The following PTPRN variants were observed in gnomAD, a reference collection of about 807,000 sequenced individuals.
The protein encoded by PTPRN is receptor-type tyrosine-protein phosphatase-like N.
A neutral mutation model predicts 108.5 loss-of-function variants in PTPRN; 70 were observed. That is an observed-to-expected ratio of 0.65 (90% CI 0.53 to 0.79). PTPRN has a LOEUF of 0.79. Among genes scored for constraint, PTPRN ranks in the 30% least tolerant of loss-of-function variants. The pLI, the probability that PTPRN is intolerant of heterozygous loss-of-function variation, is 0.00. For synonymous variants in PTPRN, 496 were observed against 524.6 expected (o/e 0.95, Z 0.75); for missense variants, 1,136 against 1,295.5 (o/e 0.88, Z 1.89).
rs1380735347 is a variant in PTPRN at position 219,307,492 on chromosome 2, G to A, written c.232C>T (p.Pro78Ser). 3.7e-6 allele frequency: 6 copies of A among 1,614,170 alleles called. No individual in the cohort carries two copies. The highest frequency in any genetic ancestry group is 5.1e-6 in the Non-Finnish European group (6 of 1,180,034). ...QARPLLQVTSPVLQRLQGVLR... is the reference protein window; with the variant it reads ...QARPLLQVTSSVLQRLQGVLR... The stretch of plus-strand genomic sequence containing the variant: ...ACACCTTGTAAGCGTTGGAGAACTG[G>A]GGAGGTGACTTGCAAAAGGGGCCGG... The change falls in exon 3 of 23, where the codon CCA (proline) becomes TCA (serine). Residue 78 changes from proline (P) to serine (S), a missense_variant. Pro to Ser is a moderately conservative substitution (Grantham distance 74). Transcript: ENST00000295718.
Position 219,297,013 on chromosome 2 carries a change from T to A in PTPRN, c.2208A>T (p.Lys736Asn), listed in dbSNP as rs1383147857. The A allele has an allele frequency of 6.2e-7, 1 of 1,613,916 alleles. No homozygotes were observed. The highest frequency in any genetic ancestry group is 1.7e-5 in the Admixed American group (1 of 60,022). Residue 736 changes from lysine (K) to asparagine (N), a missense_variant, in exon 15 of 23, where the codon AAA becomes AAT. Lys to Asn is a moderately conservative substitution (Grantham distance 94, BLOSUM62 0). Transcript: ENST00000295718. This position sits in a 1 kb window ranked among gnomAD's most constrained non-coding sequence, Gnocchi z 6.0. ...GCAGGAAGTCAGGATGCCGGTTCTT[T>A]TTGATGTTGCCCTCCCCCTGCGCGG... ...CATAQGEGNI[K>N]KNRHPDFLPY...
At chr2:219,304,417 C>T (rs1278976207) in intron 3 of PTPRN, among the ~76,000 whole-genome samples, 1 of 152,094 alleles carries the variant, frequency 6.6e-6, no homozygotes, top group East Asian at 1.9e-4. Flanking sequence ...TCTTCATTGT[C>T]GTCATCATCA....
At chr2:219,301,848 A>T (rs538208988) in intron 6 of PTPRN, 129 bp from the exon 7 acceptor site, 3 of 1,215,014 alleles carry the variant, frequency 2.5e-6, no homozygotes, top group South Asian at 3.1e-5. Context: ...ACACCAAGAG[A>T]TGCCCTCCCT....
Position 219,299,727 on chromosome 2 carries a change from A to G in PTPRN, c.1496T>C (p.Met499Thr). ...GATGTTGATGAAGCTGCCTGAGGAC[A>G]TGTGCACATGCTCAGCCAGGATCTC... ...LLEILAEHVHMSSGSFINISV... is the reference protein window; with the variant it reads ...LLEILAEHVHTSSGSFINISV... Residue 499 changes from methionine (M) to threonine (T), a missense_variant, in exon 10 of 23, where the codon ATG (methionine) becomes ACG (threonine). Transcript: ENST00000295718. 1 of 1,608,100 alleles carries G rather than the reference A, an allele frequency of 6.2e-7. No individual in the cohort carries two copies. The highest frequency in any genetic ancestry group is 8.5e-7 in the Non-Finnish European group (1 of 1,175,350).
intron 8 of PTPRN, 133 bp downstream of exon 8, chr2:219,300,810 T>C: frequency 1.0e-6 from 1 of 997,674 alleles, no homozygotes. Context: ...ACTTGCGGTC[T>C]CTGGGCCTTG....
At chr2:219,300,817 C>T in intron 8 of PTPRN, 126 bp downstream of exon 8, 1 of 1,103,346 alleles carries the variant, frequency 9.1e-7, no homozygotes, top group Non-Finnish European at 1.3e-6. Flanking sequence ...GTCTCTGGGC[C>T]TTGGTTTCCC....
At chr2:219,299,529 TGCTGGGTGGGGCCAGCAACGG>T in intron 10 of PTPRN, 145 bp from the exon 11 acceptor site, 1 of 1,158,906 alleles carries the variant, frequency 8.6e-7, no homozygotes, top group South Asian at 1.4e-5. Context: ...GCAAGGAAGA[TGCTGGGTGGGGCCAGCAACGG>T]GCTGGGTGTG....
Position 219,299,376 on chromosome 2 carries a change from C to G in PTPRN, c.1532G>C (p.Gly511Ala). 6.2e-7 allele frequency: 1 copy of G among 1,614,178 alleles called. No homozygotes were observed. Among genetic ancestry groups the G allele is most frequent in the East Asian group, 2.2e-5 (1 of 44,886 alleles). The change falls in exon 11 of 23, where the codon GGA becomes GCA. Residue 511 changes from glycine (G) to alanine (A), a missense_variant. By Grantham distance (60) the Gly-to-Ala change is moderately conservative (BLOSUM62 0). Coordinates refer to ENST00000295718, the MANE Select transcript of PTPRN (RefSeq NM_002846.4). Reference sequence around the variant, plus strand: ...CCGGATGCGGAAGGTGAGGGCTGGTCCCACCACACTGCCAGATAGGAGCTA... The same window carrying G: ...CCGGATGCGGAAGGTGAGGGCTGGTGCCACCACACTGCCAGATAGGAGCTA... ...SGSFINISVV[G>A]PALTFRIRHN...
In PTPRN at chr2:219,297,749, C is replaced by A; in HGVS notation, c.1887+136G>T. On this transcript the variant is annotated intron_variant, in intron 13 of 22. Coordinates refer to ENST00000295718, the MANE Select transcript of PTPRN (RefSeq NM_002846.4). The surrounding 1 kb of genome is among the most constrained non-coding windows in gnomAD (Gnocchi z 6.0). ...CCTACCATACTCCCTCCCACTGGGG[C>A]TTCTCCAGCCTCCACTGGACCTTCC... is the stretch of plus-strand genomic sequence containing the variant. The A allele has an allele frequency of 9.5e-7, 1 of 1,052,262 alleles. No individual in the cohort carries two copies. The highest frequency in any genetic ancestry group is 1.4e-6 in the Non-Finnish European group (1 of 730,470). The allele number at this position is 1,052,262 out of a possible 1,614,324, so 65.2% of individuals were successfully genotyped here.
chr2:219,293,353 G>A (rs1302834901), intron 19 of PTPRN, among the ~76,000 whole-genome samples: 2 of 152,038 alleles, frequency 1.3e-5, no homozygotes, highest in Admixed American at 6.6e-5. Context: ...GCTAATTTTT[G>A]TATTTTTGGC....
At chr2:219,294,880 C>A (rs1475700043) in intron 19 of PTPRN, 95 bp downstream of exon 19, 1 of 1,283,370 alleles carries the variant, frequency 7.8e-7, no homozygotes, top group African/African-American at 1.6e-5. Context: ...GGCCGAGGCT[C>A]CAGGCCCGAC....
Position 219,300,150 on chromosome 2 carries a change from A to G in PTPRN, c.1271T>C (p.Val424Ala). The change falls in exon 9 of 23, where the codon GTG (valine) becomes GCG (alanine). Residue 424 changes from valine (V) to alanine (A), a missense_variant. Val to Ala is a moderately conservative substitution (Grantham distance 64, BLOSUM62 0). Coordinates refer to ENST00000295718, the MANE Select transcript of PTPRN (RefSeq NM_002846.4). ...ASPTSSEVQQ[V>A]PSPVSSEPPK... ...AGGCTCAGAGGAGACAGGGCTTGGC[A>G]CCTGCTGGACTTCACTGGAGGTAGG... is the stretch of plus-strand genomic sequence containing the variant. 6.2e-7 allele frequency: 1 copy of G among 1,613,774 alleles called. No individual in the cohort carries two copies. The highest frequency in any genetic ancestry group is 8.5e-7 in the Non-Finnish European group (1 of 1,179,840).
At chr2:219,295,445 A>C in intron 18 of PTPRN, 1 of 297,204 alleles carries the variant, frequency 3.4e-6, no homozygotes, top group Non-Finnish European at 6.2e-6. Context: ...ACTTGGATGA[A>C]ATTCTGTAGT....
intron 18 of PTPRN, chr2:219,295,842 C>T (rs77891885): frequency 0.012 from 2,099 of 180,792 alleles, 52 homozygotes; most frequent in African/African-American, 0.047. Context: ...TAATCTCAGT[C>T]TTTGGGTATC....
At chr2:219,298,521 A>G (rs975520007) in intron 12 of PTPRN, among the ~76,000 whole-genome samples, 4 of 152,090 alleles carry the variant, frequency 2.6e-5, no homozygotes, top group African/African-American at 9.7e-5. Context: ...CCTGGCCAAC[A>G]TGGTGAAACC....
chr2:219,302,068 G>T, intron 6 of PTPRN, 69 bp downstream of exon 6: 1 of 1,360,364 alleles, frequency 7.4e-7, no homozygotes, highest in East Asian at 2.3e-5. Context: ...TAGATTGTCA[G>T]GGAAGGGCCC....
Position 219,300,373 on chromosome 2 carries a change from AG to A in PTPRN, c.1162-115del, listed in dbSNP as rs1403929555. 3 of 1,156,402 alleles carry A rather than the reference AG, an allele frequency of 2.6e-6. No homozygotes were observed. In the African/African-American group the frequency reaches 4.7e-5, roughly 18 times the overall value. The allele number at this position is 1,156,402 out of a possible 1,614,324, so 71.6% of individuals were successfully genotyped here. On this transcript the variant is annotated intron_variant, in intron 8 of 22. Coordinates refer to ENST00000295718, the MANE Select transcript of PTPRN (RefSeq NM_002846.4). The stretch of plus-strand genomic sequence containing the variant: ...GACCTGCTTTTCACTTTCTACCCCC[AG>A]GGACCACTGCAGTGCTGGGTACAGA...
chr2:219,296,761 G>A lies in PTPRN; in HGVS notation c.2298C>T (p.Asn766=), dbSNP rs746666740. ...CAGGGCCACTCACAATGGGGCTGGC[G>A]TTGATGTAATCGCTCCGAGAAGGGC... ...ESSPSRSDYI[N]ASPIIEHDPR... is the part of the protein sequence containing the mutation. The change falls in exon 16 of 23, where the codon AAC becomes AAT. Residue 766 remains asparagine, a synonymous_variant. Coordinates refer to ENST00000295718, the MANE Select transcript of PTPRN (RefSeq NM_002846.4). The surrounding 1 kb of genome is among the most constrained non-coding windows in gnomAD (Gnocchi z 6.0). 23 of 1,613,830 alleles carry A rather than the reference G, an allele frequency of 1.4e-5. No individual in the cohort carries two copies. The highest frequency in any genetic ancestry group is 5.5e-5 in the South Asian group (5 of 91,070).
chr2:219,300,919 G>A (rs1221093767), intron 8 of PTPRN, 24 bp downstream of exon 8: 2 of 1,612,574 alleles, frequency 1.2e-6, no homozygotes, highest in Middle Eastern at 1.6e-4. Context: ...GTGATTATGA[G>A]TCAAGGAGGT....
Sources: allele counts gnomAD v4.1 joint callset (sites outside exome capture counted in the v4.1 genomes callset), GRCh38; gene constraint gnomAD v4.1.1; non-coding constraint Gnocchi (gnomAD v3.1); transcripts MANE v1.5; gene names NCBI Gene and HGNC (gene_info 2026-07-23, HGNC 2026-07-21).